Variants in CIC observed in about 807,000 individuals in gnomAD.
CIC encodes the protein protein capicua homolog.
CIC carries 18 observed loss-of-function variants against 115.7 expected under a neutral mutation model. The observed-to-expected ratio is 0.16, with a 90% CI of 0.11 to 0.23. The LOEUF (loss-of-function observed/expected upper bound fraction) is 0.23. Among genes scored for constraint, CIC ranks in the 10% least tolerant of loss-of-function variants. CIC has a pLI of 1.00. For missense variants in CIC, 2,000 were observed against 2,159.3 expected (o/e 0.93, Z 1.46); for synonymous variants, 1,076 against 923.0 (o/e 1.17, Z -3.01).
chr19:42,287,958 C>G lies in CIC; in HGVS notation c.3641C>G (p.Thr1214Ser). ...GAGCGGAGCATGTCGGAGACGGGCACTGCTGCTGCCCCTGGGGGTTAGTCA... is the reference window on the plus strand; with the variant it reads ...GAGCGGAGCATGTCGGAGACGGGCAGTGCTGCTGCCCCTGGGGGTTAGTCA... The part of the protein sequence containing the change: ...TRERSMSETG[T>S]AAAPGVSSEL... Residue 1214 changes from threonine (T) to serine (S), a missense_variant, in exon 7 of 21, where the codon ACT becomes AGT. This residue lies in a region of CIC where 38 missense variants were observed against 50.3 expected (regional missense o/e 0.76). Transcript: ENST00000681038. The surrounding 1 kb of genome is among the most constrained non-coding windows in gnomAD (Gnocchi z 8.7). The G allele has an allele frequency of 6.3e-7, 1 of 1,597,100 alleles. No homozygotes were observed. The highest frequency in any genetic ancestry group is 8.5e-7 in the Non-Finnish European group (1 of 1,172,486).
intron 2 of CIC, chr19:42,284,046 G>A (rs2037411708): frequency 6.7e-6 from 1 of 148,808 alleles, no homozygotes; most frequent in South Asian, 2.1e-4. Flanking sequence ...GGGGAGGGGA[G>A]CGCGTAGTAG....
chr19:42,275,424 G>C (rs1429682683), intron 2 of CIC, among the ~76,000 whole-genome samples: 1 of 152,242 alleles, frequency 6.6e-6, no homozygotes, highest in African/African-American at 2.4e-5. Context: ...TGCAACCGTG[G>C]GGTGGAAGAG....
At chr19:42,288,735 G>C (rs527746221) in intron 7 of CIC, among the ~76,000 whole-genome samples, 153 bp from the exon 8 acceptor site, 2 of 151,994 alleles carry the variant, frequency 1.3e-5, no homozygotes, top group South Asian at 2.1e-4. Context: ...ATGCTGGACT[G>C]GTGGTGGGTG....
rs2038105524 is a variant in CIC, at chr19:42,291,554, C to G, written c.5426-4C>G. On this transcript the variant is annotated splice_region_variant and splice_polypyrimidine_tract_variant and intron_variant, in intron 11 of 20. Coordinates refer to ENST00000681038, the MANE Select transcript of CIC (RefSeq NM_001386298.1). ...CTTTTCCTTTCTTGCCTCTTAACTTCCAGCCCAGTCAGTTTCTCCCGTGCA... is the reference window on the plus strand; with the variant it reads ...CTTTTCCTTTCTTGCCTCTTAACTTGCAGCCCAGTCAGTTTCTCCCGTGCA... The G allele has an allele frequency of 1.2e-6, 2 of 1,612,964 alleles. No homozygotes were observed. The highest frequency in any genetic ancestry group is 1.7e-6 in the Non-Finnish European group (2 of 1,179,996).
In CIC at chr19:42,273,965, C is replaced by T. The variant is rs970794792; in HGVS notation, c.2182C>T (p.Pro728Ser). 2.8e-5 allele frequency: 11 copies of T among 398,772 alleles called. No homozygotes were observed. Among genetic ancestry groups the T allele is most frequent in the African/African-American group, 1.9e-4 (9 of 48,624 alleles). 24.7% of individuals were successfully genotyped at this position (398,772 alleles called of 1,614,324 possible). A position where few individuals can be genotyped will look rare whatever the true frequency, so the allele number is the denominator to read the frequency against. Residue 728 changes from proline to serine, a missense_variant, in exon 2 of 21, where the codon CCT (proline) becomes TCT (serine). Pro to Ser is a moderately conservative substitution (Grantham distance 74, BLOSUM62 -1). This residue lies in a region of CIC where 222 missense variants were observed against 247.7 expected (regional missense o/e 0.90). Transcript: ENST00000681038. ...LLPHPGALGA[P>S]GAGGGGAAPD... ...GCCGCATCCAGGGGCCTTGGGGGCC[C>T]CTGGCGCAGGGGGTGGAGGAGCCGC... is the stretch of plus-strand genomic sequence containing the variant.
In CIC at chr19:42,294,019, C is replaced by T. The variant is rs79542158; in HGVS notation, c.6852C>T (p.Thr2284=). 7.7e-5 allele frequency: 124 copies of T among 1,613,614 alleles called. 1 individual carries two copies. In the African/African-American group the frequency reaches 1.4e-3, roughly 19 times the overall value. ...FRPEEVLPSP[T]LQSLATSPRA... ...CTGAGGAGGTGCTGCCCTCCCCCAC[C>T]CTGCAGTCTCTGGCCACCTCACCCC... The change falls in exon 18 of 21, where the codon ACC becomes ACT. Residue 2284 remains threonine (T), a synonymous_variant. Transcript: ENST00000681038.
chr19:42,268,759 T>C (rs2036655902), upstream of CIC, among the ~76,000 whole-genome samples: 1 of 152,198 alleles, frequency 6.6e-6, no homozygotes. Flanking sequence ...GCCGAAGACG[T>C]GAGAAGACTA....
At position 42,270,743 on chromosome 19, in the gene CIC, T is replaced by G. The variant is rs1363568123; in HGVS notation, c.-10-1031T>G. ...CTGGGCTTGCGGGTATCACGCTGGG[T>G]GCTGTGGGGGGAGGAGCAGGCTCCC... On this transcript the variant is annotated intron_variant, in intron 1 of 20. Coordinates refer to ENST00000681038, the MANE Select transcript of CIC (RefSeq NM_001386298.1). This position sits in a 1 kb window ranked among gnomAD's most constrained non-coding sequence, Gnocchi z 4.1. 1.3e-5 allele frequency among the ~76,000 whole-genome samples: 2 copies of G among 151,146 alleles called. No homozygotes were observed. The highest frequency in any genetic ancestry group is 3.0e-5 in the Non-Finnish European group (2 of 67,726).
chr19:42,289,648 C>G (rs759907251), intron 9 of CIC, among the ~76,000 whole-genome samples, 200 bp from the exon 10 acceptor site: 11 of 152,212 alleles, frequency 7.2e-5, no homozygotes, highest in Non-Finnish European at 1.6e-4. Context: ...GTGTTAGGGG[C>G]TCTGTCCTGC....
intron 2 of CIC, among the ~76,000 whole-genome samples, chr19:42,283,110 C>A (rs193270537): frequency 1.3e-4 from 19 of 151,960 alleles, no homozygotes; most frequent in African/African-American, 4.6e-4. Flanking sequence ...AGGGTGGGGT[C>A]GGTATGATGG....
chr19:42,291,890 C>T (rs1040739750), intron 12 of CIC, 145 bp downstream of exon 12: 84 of 1,283,818 alleles, frequency 6.5e-5, no homozygotes, highest in Non-Finnish European at 9.1e-5. Context: ...TGCATCCTGA[C>T]TCTCTCAAGT....
At chr19:42,285,281 C>T (rs1032865041) in intron 2 of CIC, among the ~76,000 whole-genome samples, 5 of 152,026 alleles carry the variant, frequency 3.3e-5, no homozygotes, top group African/African-American at 9.7e-5. Context: ...AAAGGACTGC[C>T]CTCCATTGTC....
intron 2 of CIC, among the ~76,000 whole-genome samples, chr19:42,283,089 G>A (rs2037338197): frequency 6.6e-6 from 1 of 152,166 alleles, no homozygotes; most frequent in South Asian, 2.1e-4. Flanking sequence ...CATTAGGGTA[G>A]GATTATATAG....
chr19:42,270,619 A>T lies in CIC; in HGVS notation c.-10-1155A>T, dbSNP rs1158944943. On this transcript the variant is annotated intron_variant, in intron 1 of 20. Coordinates refer to ENST00000681038, the MANE Select transcript of CIC (RefSeq NM_001386298.1). The surrounding 1 kb of genome is among the most constrained non-coding windows in gnomAD (Gnocchi z 4.1). The stretch of plus-strand genomic sequence containing the variant: ...CCCACCTATCCCCACTTGGAGTTGG[A>T]GGGCATATTTGGGGGCCTGCGGGGG... Among the ~76,000 whole-genome samples, 2 of 151,958 alleles carry T rather than the reference A, an allele frequency of 1.3e-5. No homozygotes were observed. Among genetic ancestry groups the T allele is most frequent in the African/African-American group, 2.4e-5 (1 of 41,360 alleles).
chr19:42,269,198 A>T (rs990332133), upstream of CIC: 1 of 151,242 alleles, frequency 6.6e-6, no homozygotes, highest in Non-Finnish European at 1.5e-5. Context: ...GGCGCCGGTC[A>T]GTGGGGTTGT....
chr19:42,285,791 G>T (rs1243132132), intron 2 of CIC, among the ~76,000 whole-genome samples: 4 of 152,242 alleles, frequency 2.6e-5, no homozygotes, highest in African/African-American at 9.7e-5. Flanking sequence ...CAAAAGTCCA[G>T]CCAGGGGTAG....
At position 42,287,149 on chromosome 19, in the gene CIC, A is replaced by G. The variant is rs756871660; in HGVS notation, c.3088A>G (p.Lys1030Glu). Residue 1030 changes from lysine to glutamate, a missense_variant, in exon 4 of 21, where the codon AAG becomes GAG. Lys to Glu is a moderately conservative substitution (Grantham distance 56, BLOSUM62 1). Coordinates refer to ENST00000681038, the MANE Select transcript of CIC (RefSeq NM_001386298.1). The surrounding 1 kb of genome is among the most constrained non-coding windows in gnomAD (Gnocchi z 8.7). ...CCCTTTGGGGGTGGTGGAATCTGGT[A>G]AGGGTCCGCCTCCCACCACGGAGGA... ...PHPLGVVESG[K>E]GPPPTTEEEA... 8 of 1,613,532 alleles carry G rather than the reference A, an allele frequency of 5.0e-6. No homozygotes were observed. The South Asian group carries it at 6.6e-5, about 13-fold the overall frequency.
rs1568504417 is a variant in CIC, at chr19:42,287,413, CTCA to C, written c.3276_3278del (p.Ser1094del). 6.2e-7 allele frequency: 1 copy of C among 1,614,078 alleles called. No individual in the cohort carries two copies. The highest frequency in any genetic ancestry group is 1.7e-5 in the Admixed American group (1 of 60,032). The stretch of plus-strand genomic sequence containing the variant: ...TCAGTGCCCTACCCAAGGAACGGGA[CTCA>C]TCTTCTGAGAAGGATGGACGCAGCC... On this transcript the variant is annotated inframe_deletion, in exon 5 of 21. Coordinates refer to ENST00000681038, the MANE Select transcript of CIC (RefSeq NM_001386298.1). The surrounding 1 kb of genome is among the most constrained non-coding windows in gnomAD (Gnocchi z 8.7).
chr19:42,277,234 A>C (rs1568490335), intron 2 of CIC, among the ~76,000 whole-genome samples: 1 of 152,156 alleles, frequency 6.6e-6, no homozygotes, highest in South Asian at 2.1e-4. Context: ...AGGAAGAGAG[A>C]GAGCCAGGAT....
Sources: allele counts gnomAD v4.1 joint callset (sites outside exome capture counted in the v4.1 genomes callset), GRCh38; gene constraint gnomAD v4.1.1; regional missense constraint gnomAD v4.1.1; non-coding constraint Gnocchi (gnomAD v3.1); transcripts MANE v1.5; gene names NCBI Gene and HGNC (gene_info 2026-07-23, HGNC 2026-07-21).